ZNF420: variants seen among roughly 807,000 people sequenced by gnomAD.
The protein encoded by ZNF420 is zinc finger protein 420, also known as ATM and p53-associated KZNF protein.
A neutral mutation model predicts 44.7 loss-of-function variants in ZNF420; 31 were observed. That is an observed-to-expected ratio of 0.69 (90% CI 0.52 to 0.94). The LOEUF is 0.94. ZNF420 is among the 40% of genes least tolerant of loss of function. The pLI, the probability that ZNF420 is intolerant of heterozygous loss-of-function variation, is 0.00. For missense variants in ZNF420, 681 were observed against 827.9 expected (o/e 0.82, Z 2.18); for synonymous variants, 245 against 267.4 (o/e 0.92, Z 0.82).
intron 1 of ZNF420, among the ~76,000 whole-genome samples, chr19:37,063,064 G>A (rs946949152): frequency 6.7e-6 from 1 of 149,342 alleles, no homozygotes; most frequent in Non-Finnish European, 1.5e-5. Context: ...ATATTTTTAA[G>A]CTAGCTGCAT....
rs1971510450 is a variant in ZNF420, at chr19:37,128,858, G to T, written c.1867G>T (p.Ala623Ser). ...KPYECRECRK[A>S]FTQSSHLSRH... ...CTATGAATGCAGAGAATGTAGAAAGGCCTTTACTCAGAGTTCACATCTTTC... is the reference window on the plus strand; with the variant it reads ...CTATGAATGCAGAGAATGTAGAAAGTCCTTTACTCAGAGTTCACATCTTTC... Residue 623 changes from alanine (A) to serine (S), a missense_variant, in exon 5 of 5, where the codon GCC (alanine) becomes TCC (serine). By Grantham distance (99) the Ala-to-Ser change is moderately conservative. Coordinates refer to ENST00000337995, the MANE Select transcript of ZNF420 (RefSeq NM_144689.5). The T allele has an allele frequency of 6.2e-7, 1 of 1,613,672 alleles. No homozygotes were observed. Among genetic ancestry groups the T allele is most frequent in the Non-Finnish European group, 8.5e-7 (1 of 1,179,950 alleles).
At chr19:37,109,570 T>C (rs1163062435) in intron 4 of ZNF420, 2 of 152,216 alleles carry the variant, frequency 1.3e-5, no homozygotes, top group African/African-American at 4.8e-5. Flanking sequence ...CCATTTTATC[T>C]TGTGAGTTGA....
intron 2 of ZNF420, among the ~76,000 whole-genome samples, chr19:37,085,936 T>TTTTTTTTTATTA (rs113953981): frequency 1.5e-5 from 2 of 137,758 alleles, no homozygotes; most frequent in African/African-American, 5.4e-5. Context: ...TGGCTGATGT[T>TTTTTTTTTATTA]TTATTATTAT....
Position 37,091,033 on chromosome 19 carries a change from T to G in ZNF420, c.48T>G (p.Ser16=), listed in dbSNP as rs756279845. The change falls in exon 4 of 5, where the codon TCT becomes TCG. Residue 16 remains serine (S), a synonymous_variant. Coordinates refer to ENST00000337995, the MANE Select transcript of ZNF420 (RefSeq NM_144689.5). ...VMFRDVAIDF[S]QEEWECLDSA... ...TCAGGGATGTTGCCATTGACTTCTC[T>G]CAGGAAGAGTGGGAATGCCTGGACT... 12 of 1,613,652 alleles carry G rather than the reference T, an allele frequency of 7.4e-6. No individual in the cohort carries two copies. The highest frequency in any genetic ancestry group is 1.0e-5 in the Non-Finnish European group (12 of 1,179,870).
intron 1 of ZNF420, among the ~76,000 whole-genome samples, chr19:37,009,632 C>T (rs1036628906): frequency 1.3e-5 from 2 of 152,218 alleles, no homozygotes; most frequent in African/African-American, 2.4e-5. Flanking sequence ...GCAAGCGGGG[C>T]AGGCCACTGC....
chr19:37,016,501 C>T (rs934738040), intron 1 of ZNF420, among the ~76,000 whole-genome samples: 1 of 152,198 alleles, frequency 6.6e-6, no homozygotes, highest in Non-Finnish European at 1.5e-5. Flanking sequence ...CTTGTCCTTC[C>T]CTTTCTTGGG....
At position 37,066,825 on chromosome 19, in the gene ZNF420, A is replaced by G. The variant is rs141301848; in HGVS notation, c.-124-13520A>G. 9.8e-5 allele frequency among the ~76,000 whole-genome samples: 15 copies of G among 152,336 alleles called. No individual in the cohort carries two copies. The East Asian group carries it at 1.2e-3, about 12-fold the overall frequency. ...CAGAGAAATGAAAACAGATGTTCAT[A>G]AACAGACATGTCCAAGAATGTTTAT... On this transcript the variant is annotated intron_variant, in intron 1 of 4. Transcript: ENST00000587029.
In ZNF420 at chr19:37,129,687, T is replaced by G; in HGVS notation, c.*629T>G. ...ATTTAAATCTCATCCATTATTGCTA[T>G]AAGAGGAAATTCATACTGTTAAAAA... On this transcript the variant is annotated 3_prime_UTR_variant, in exon 5 of 5. Transcript: ENST00000337995. 6.6e-6 allele frequency: 1 copy of G among 151,502 alleles called. No individual in the cohort carries two copies. The highest frequency in any genetic ancestry group is 1.4e-5 in the Non-Finnish European group (1 of 72,226). 9.4% of individuals were successfully genotyped at this position (151,502 alleles called of 1,614,324 possible).
intron 4 of ZNF420, among the ~76,000 whole-genome samples, chr19:37,094,610 C>G (rs1176053462): frequency 6.6e-6 from 1 of 152,134 alleles, no homozygotes; most frequent in Non-Finnish European, 1.5e-5. Flanking sequence ...ATCTCCACCC[C>G]TAGGATTTCA....
intron 1 of ZNF420, among the ~76,000 whole-genome samples, chr19:37,047,903 A>C (rs1285857615): frequency 6.6e-6 from 1 of 152,164 alleles, no homozygotes; most frequent in Non-Finnish European, 1.5e-5. Flanking sequence ...TTATGGTTAA[A>C]TGCTGGTTTT....
chr19:37,127,879 G>A lies in ZNF420; in HGVS notation c.888G>A (p.Leu296=). Residue 296 remains leucine, a synonymous_variant, in exon 5 of 5, where the codon CTG becomes CTA. Transcript: ENST00000337995. The part of the protein sequence containing the change: ...KVFTQLSQLI[L]HKRIHTGEKP... ...TTACTCAGCTCTCACAACTTATTCT[G>A]CATAAGAGAATTCATACCGGTGAGA... 1.2e-6 allele frequency: 2 copies of A among 1,613,706 alleles called. No individual in the cohort carries two copies. The highest frequency in any genetic ancestry group is 1.1e-5 in the South Asian group (1 of 91,048).
chr19:37,129,835 C>T lies in ZNF420; in HGVS notation c.*777C>T, dbSNP rs1047301681. The T allele has an allele frequency of 1.0e-5, 6 of 590,066 alleles. No homozygotes were observed. The highest frequency in any genetic ancestry group is 7.9e-5 in the Admixed American group (2 of 25,182). 36.6% of individuals were successfully genotyped at this position (590,066 alleles called of 1,614,324 possible). A position where few individuals can be genotyped will look rare whatever the true frequency, so the allele number is the denominator to read the frequency against. ...GGACAAGGTGTGAAGTGATTTTTAA[C>T]GAAGTCTAAGATCCAAAGTCTAATA... is the stretch of plus-strand genomic sequence containing the variant. On this transcript the variant is annotated 3_prime_UTR_variant, in exon 5 of 5. Transcript: ENST00000337995.
At chr19:37,020,865 G>A (rs2074643355) in intron 1 of ZNF420, among the ~76,000 whole-genome samples, 1 of 152,192 alleles carries the variant, frequency 6.6e-6, no homozygotes, top group Non-Finnish European at 1.5e-5. Context: ...TAGTAGAATG[G>A]TGGTTGGCAG....
chr19:37,023,892 CATAT>C (rs2074666923), intron 1 of ZNF420, among the ~76,000 whole-genome samples: 2 of 152,180 alleles, frequency 1.3e-5, no homozygotes, highest in South Asian at 4.2e-4. Context: ...ACACACTGTA[CATAT>C]ATACATATAC....
chr19:37,014,299 CAG>C (rs1479568017), intron 1 of ZNF420, among the ~76,000 whole-genome samples: 5 of 152,138 alleles, frequency 3.3e-5, no homozygotes, highest in East Asian at 1.9e-4. Flanking sequence ...GCTCATGAAA[CAG>C]GGAATTTTCA....
chr19:37,094,509 G>A (rs1969329309), intron 4 of ZNF420, among the ~76,000 whole-genome samples: 1 of 151,766 alleles, frequency 6.6e-6, no homozygotes, highest in South Asian at 2.1e-4. Context: ...ATATTTAATG[G>A]ACATTATATA....
chr19:37,037,157 G>T (rs530507311), intron 1 of ZNF420, among the ~76,000 whole-genome samples: 3 of 152,312 alleles, frequency 2.0e-5, no homozygotes, highest in African/African-American at 4.8e-5. Context: ...AGCAGTTTGC[G>T]CTTTGAAATA....
chr19:37,047,518 TAC>T (rs1178988015), intron 1 of ZNF420, among the ~76,000 whole-genome samples: 1 of 152,220 alleles, frequency 6.6e-6, no homozygotes, highest in Non-Finnish European at 1.5e-5. Flanking sequence ...CTTCATAAAT[TAC>T]ACAGTCTAGT....
At chr19:37,095,063 G>A (rs1439687704) in intron 4 of ZNF420, among the ~76,000 whole-genome samples, 1 of 151,480 alleles carries the variant, frequency 6.6e-6, no homozygotes. Flanking sequence ...CCTGGGAGGC[G>A]GAGGTTGCAG....
Sources: gnomAD v4.1 joint callset for allele counts (sites outside exome capture counted in the v4.1 genomes callset) on GRCh38, gnomAD v4.1.1 for gene constraint, MANE v1.5 for transcripts, NCBI Gene and HGNC (gene_info 2026-07-23, HGNC 2026-07-21) for gene names.